Variants in LRRIQ4 observed in about 807,000 individuals in gnomAD.
The protein encoded by LRRIQ4 is leucine-rich repeat and IQ domain-containing protein 4.
A neutral mutation model predicts 40.1 loss-of-function variants in LRRIQ4; 21 were observed. The ratio of observed to expected loss-of-function variants is 0.52; its 90% CI spans 0.37 to 0.75. The LOEUF (loss-of-function observed/expected upper bound fraction) is 0.75. LRRIQ4 is among the 30% of genes least tolerant of loss of function. The pLI is 0.00. For missense variants in LRRIQ4, 655 were observed against 660.0 expected (o/e 0.99, Z 0.08); for synonymous variants, 277 against 277.1 (o/e 1.00, Z 0.00).
Position 169,834,133 on chromosome 3 carries a change from G to A in LRRIQ4, c.1530+950G>A, listed in dbSNP as rs893634217. ...TCCCAGCACTTTGGGAGGCTGAGGC[G>A]GGTGGATCACTTGAGGTCAGGAGTT... is the stretch of plus-strand genomic sequence containing the variant. On this transcript the variant is annotated intron_variant, in intron 5 of 5. Transcript: ENST00000340806. 8.5e-5 allele frequency among the ~76,000 whole-genome samples: 13 copies of A among 152,238 alleles called. No homozygotes were observed. In the East Asian group the frequency reaches 1.7e-3, roughly 20 times the overall value.
chr3:169,816,347 G>C (rs185481303), intron 1 of LRRIQ4, among the ~76,000 whole-genome samples: 339 of 152,004 alleles, frequency 2.2e-3, no homozygotes, highest in African/African-American at 7.3e-3. Context: ...ACTTGCTATT[G>C]GTCTATTGAG....
intron 5 of LRRIQ4, among the ~76,000 whole-genome samples, chr3:169,835,362 T>TCCTTTGTGTGTG: frequency 1.2e-5 from 1 of 82,982 alleles, no homozygotes; most frequent in Non-Finnish European, 2.3e-5. Context: ...AATTGTCTTT[T>TCCTTTGTGTGTG]TCTGTGTGTG....
In LRRIQ4 at chr3:169,813,001, A is replaced by G; in HGVS notation, c.-77A>G. 1 of 159,444 alleles carries G rather than the reference A, an allele frequency of 6.3e-6. No individual in the cohort carries two copies. Among genetic ancestry groups the G allele is most frequent in the Non-Finnish European group, 1.4e-5 (1 of 72,868 alleles). 9.9% of individuals were successfully genotyped at this position (159,444 alleles called of 1,614,324 possible). A position where few individuals can be genotyped will look rare whatever the true frequency, so the allele number is the denominator to read the frequency against. The stretch of plus-strand genomic sequence containing the variant: ...AGGTGACATCTGGATGGTCCGAAGG[A>G]GGCTGCCAGAGGACAGAATGCTTGG... On this transcript the variant is annotated 5_prime_UTR_variant, in exon 1 of 6. Transcript: ENST00000340806.
intron 1 of LRRIQ4, among the ~76,000 whole-genome samples, chr3:169,813,257 A>G (rs1426317579): frequency 1.3e-5 from 2 of 152,184 alleles, no homozygotes; most frequent in African/African-American, 4.8e-5. Context: ...TCCCCAACCA[A>G]CTAGAATCAA....
At chr3:169,831,587 C>T (rs1474931755) in intron 4 of LRRIQ4, among the ~76,000 whole-genome samples, 4 of 147,732 alleles carry the variant, frequency 2.7e-5, no homozygotes, top group Admixed American at 6.7e-5. Flanking sequence ...CAGGCGTGAG[C>T]CACCGTGCCT....
In LRRIQ4 at chr3:169,822,510, G is replaced by A. The variant is rs762254275; in HGVS notation, c.589G>A (p.Glu197Lys). 2.8e-5 allele frequency: 45 copies of A among 1,613,902 alleles called. No individual in the cohort carries two copies. Among genetic ancestry groups the A allele is most frequent in the Non-Finnish European group, 3.6e-5 (43 of 1,179,900 alleles). The change falls in exon 2 of 6, where the codon GAG (glutamate) becomes AAG (lysine). Residue 197 changes from glutamate (E) to lysine (K), a missense_variant. Glu to Lys is a moderately conservative substitution (Grantham distance 56). Coordinates refer to ENST00000340806, the MANE Select transcript of LRRIQ4 (RefSeq NM_001080460.3). ...CACCCTGGAAATCATTGACCTGGAC[G>A]AGAACAAAATAGGTGCCATCCCAGA... ...LYTLEIIDLD[E>K]NKIGAIPEEI...
intron 5 of LRRIQ4, among the ~76,000 whole-genome samples, chr3:169,834,981 T>A (rs1576772560): frequency 1.3e-5 from 2 of 152,280 alleles, no homozygotes; most frequent in Non-Finnish European, 2.9e-5. Context: ...AGGGTTTTTT[T>A]AGCATAGTTT....
chr3:169,817,596 A>G (rs1272658684), intron 1 of LRRIQ4, among the ~76,000 whole-genome samples: 1 of 152,184 alleles, frequency 6.6e-6, no homozygotes, highest in Non-Finnish European at 1.5e-5. Context: ...TTTGCTTTAC[A>G]TAACTAGGTG....
In LRRIQ4 at chr3:169,837,354, A is replaced by T. The variant is rs970980649; in HGVS notation, c.1531-125A>T. On this transcript the variant is annotated intron_variant, in intron 5 of 5. Coordinates refer to ENST00000340806, the MANE Select transcript of LRRIQ4 (RefSeq NM_001080460.3). ...TTGAGAAAGATAGAAAATAAAATTT[A>T]GAGTTCTAATCACATCCCATTCTCT... 2.7e-5 allele frequency: 28 copies of T among 1,053,742 alleles called. No individual in the cohort carries two copies. In the East Asian group the frequency reaches 8.6e-4, roughly 32 times the overall value. The allele number at this position is 1,053,742 out of a possible 1,614,324, so 65.3% of individuals were successfully genotyped here.
In LRRIQ4 at chr3:169,822,236, C is replaced by G. The variant is rs527355597; in HGVS notation, c.315C>G (p.Pro105=). The G allele has an allele frequency of 1.9e-6, 3 of 1,605,640 alleles. No homozygotes were observed. The highest frequency in any genetic ancestry group is 1.7e-6 in the Non-Finnish European group (2 of 1,176,802). ...AGAGCCTGGACCTGAGCTACAACCC[C>G]ATCTTCTCCTCCTCCCTTGTCGTTG... The part of the protein sequence containing the change: ...SLESLDLSYN[P]IFSSSLVVVS... Residue 105 remains proline (P), a synonymous_variant, in exon 2 of 6, where the codon CCC becomes CCG. Coordinates refer to ENST00000340806, the MANE Select transcript of LRRIQ4 (RefSeq NM_001080460.3).
At chr3:169,836,370 C>G (rs1780301752) in intron 5 of LRRIQ4, among the ~76,000 whole-genome samples, 1 of 152,136 alleles carries the variant, frequency 6.6e-6, no homozygotes, top group African/African-American at 2.4e-5. Flanking sequence ...TATTTTCTCA[C>G]AGTTCTGGAG....
At chr3:169,816,115 G>C (rs1779763248) in intron 1 of LRRIQ4, among the ~76,000 whole-genome samples, 1 of 152,098 alleles carries the variant, frequency 6.6e-6, no homozygotes. Context: ...TTTTTGGTTT[G>C]CTTGTTTGTT....
intron 2 of LRRIQ4, among the ~76,000 whole-genome samples, chr3:169,825,842 T>G (rs1490434688): frequency 1.3e-5 from 2 of 151,958 alleles, no homozygotes; most frequent in East Asian, 3.9e-4. Flanking sequence ...CTGATGGGTT[T>G]TGTGTGTGTG....
At chr3:169,816,161 A>G (rs1257650483) in intron 1 of LRRIQ4, among the ~76,000 whole-genome samples, 1 of 152,136 alleles carries the variant, frequency 6.6e-6, no homozygotes, top group Non-Finnish European at 1.5e-5. Flanking sequence ...TGTCAGGGTA[A>G]TACTGGCCTC....
chr3:169,822,526 C>T lies in LRRIQ4; in HGVS notation c.605C>T (p.Ala202Val), dbSNP rs758789510. 1 of 1,613,796 alleles carries T rather than the reference C, an allele frequency of 6.2e-7. No homozygotes were observed. Among genetic ancestry groups the T allele is most frequent in the Non-Finnish European group, 8.5e-7 (1 of 1,179,856 alleles). ...IIDLDENKIGAIPEEIGHLTG... is the reference protein window; with the variant it reads ...IIDLDENKIGVIPEEIGHLTG... The stretch of plus-strand genomic sequence containing the variant: ...GACCTGGACGAGAACAAAATAGGTG[C>T]CATCCCAGAAGAGATCGGACACCTG... Residue 202 changes from alanine to valine, a missense_variant, in exon 2 of 6, where the codon GCC becomes GTC. Physicochemically the swap from Ala to Val is moderately conservative, Grantham distance 64. Transcript: ENST00000340806.
intron 2 of LRRIQ4, among the ~76,000 whole-genome samples, chr3:169,828,223 T>A (rs1042390485): frequency 6.6e-6 from 1 of 151,968 alleles, no homozygotes; most frequent in Admixed American, 6.6e-5. Flanking sequence ...GAACATAGGT[T>A]AAAAATTGCT....
intron 4 of LRRIQ4, among the ~76,000 whole-genome samples, chr3:169,832,259 G>A (rs1780196309): frequency 6.6e-6 from 1 of 151,992 alleles, no homozygotes; most frequent in Non-Finnish European, 1.5e-5. Context: ...CATGAGGTCA[G>A]GAGTTCGAAA....
intron 2 of LRRIQ4, among the ~76,000 whole-genome samples, chr3:169,825,039 G>A (rs1263214221): frequency 7.3e-6 from 1 of 136,480 alleles, no homozygotes; most frequent in East Asian, 2.1e-4. Context: ...ATGAGCTCTC[G>A]CTCTGTTGCC....
chr3:169,828,407 AT>A (rs1237799337), intron 2 of LRRIQ4, among the ~76,000 whole-genome samples: 1 of 151,970 alleles, frequency 6.6e-6, no homozygotes, highest in Non-Finnish European at 1.5e-5. Context: ...TAATTTTTAT[AT>A]TTTTTAGTAG....
Sources: allele counts gnomAD v4.1 joint callset (sites outside exome capture counted in the v4.1 genomes callset), GRCh38; gene constraint gnomAD v4.1.1; transcripts MANE v1.5; gene names NCBI Gene and HGNC (gene_info 2026-07-23, HGNC 2026-07-21).